KAZN: variants seen among roughly 807,000 people sequenced by gnomAD.
The protein encoded by KAZN is kazrin.
In KAZN, 40 loss-of-function variants were observed where a neutral mutation model predicts 87.4. The ratio of observed to expected loss-of-function variants is 0.46; its 90% CI spans 0.36 to 0.60. KAZN has a LOEUF of 0.60. Among genes scored for constraint, KAZN ranks in the 20% least tolerant of loss-of-function variants. The pLI, the probability that KAZN is intolerant of heterozygous loss-of-function variation, is 0.00. For synonymous variants in KAZN, 466 were observed against 458.3 expected (o/e 1.02, Z -0.22); for missense variants, 898 against 1,073.9 (o/e 0.84, Z 2.29).
intron 1 of KAZN, among the ~76,000 whole-genome samples, chr1:14,032,157 G>C (rs1641355795): frequency 6.6e-6 from 1 of 152,098 alleles, no homozygotes; most frequent in South Asian, 2.1e-4. Context: ...CCTCCCTTCT[G>C]ATCTGTTTAA....
intron 1 of KAZN, among the ~76,000 whole-genome samples, chr1:14,726,215 C>T (rs1001937005): frequency 6.6e-6 from 1 of 152,230 alleles, no homozygotes; most frequent in African/African-American, 2.4e-5. Context: ...GGTATCCAGG[C>T]TCTTGCCAAG....
At position 14,774,540 on chromosome 1, in the gene KAZN, A is replaced by ATATG. The variant is rs1431448270; in HGVS notation, c.226+175317_226+175318insTATG. 2.0e-5 allele frequency among the ~76,000 whole-genome samples: 3 copies of ATATG among 149,212 alleles called. No individual in the cohort carries two copies. In the East Asian group the frequency reaches 5.9e-4, roughly 30 times the overall value. ...GGCTGGAGTGCAGTGGTGCAATCAT[A>ATATG]GCTCACTGTAACCTTGACCTCCTGG... is the stretch of plus-strand genomic sequence containing the variant. On this transcript the variant is annotated intron_variant, in intron 1 of 14. Coordinates refer to ENST00000376030, the MANE Select transcript of KAZN (RefSeq NM_201628.3).
intron 1 of KAZN, among the ~76,000 whole-genome samples, chr1:13,994,148 A>T (rs1278007402): frequency 1.3e-5 from 2 of 152,172 alleles, no homozygotes; most frequent in African/African-American, 2.4e-5. Context: ...GTTCCAGAAT[A>T]TTATAAACCC....
upstream of KAZN, among the ~76,000 whole-genome samples, chr1:14,598,141 G>A (rs546384385): frequency 2.6e-5 from 4 of 152,288 alleles, no homozygotes; most frequent in East Asian, 5.8e-4. The surrounding 1 kb of genome is among the most constrained non-coding windows in gnomAD (Gnocchi z 4.2). Flanking sequence ...CCACGCCGAG[G>A]AAGATAGGCG....
At chr1:14,387,456 G>C (rs1025011934) in intron 2 of KAZN, among the ~76,000 whole-genome samples, 1 of 152,030 alleles carries the variant, frequency 6.6e-6, no homozygotes, top group African/African-American at 2.4e-5. Flanking sequence ...ATCTACTTTT[G>C]GTCTTTGATG....
In KAZN at chr1:13,941,208, C is replaced by A. The variant is rs564265987; in HGVS notation, c.91+47452C>A. ...CCATCTAAAACAACAACAACAACAA[C>A]AAAAAAAAAACAATAAAAAGGAGTA... On this transcript the variant is annotated intron_variant, in intron 1 of 16. Transcript: ENST00000636203. Among the ~76,000 whole-genome samples the A allele has an allele frequency of 3.6e-3, 551 of 151,434 alleles. 4 individuals carry two copies. The highest frequency in any genetic ancestry group is 0.012 in the African/African-American group (504 of 41,332).
chr1:14,513,367 G>C (rs984016789), intron 2 of KAZN, among the ~76,000 whole-genome samples: 3 of 152,176 alleles, frequency 2.0e-5, no homozygotes, highest in African/African-American at 7.2e-5. Context: ...TTTGTTGATA[G>C]ACTTCTGTTT....
chr1:14,544,631 C>T lies in KAZN; in HGVS notation c.250-54352C>T, dbSNP rs529913493. On this transcript the variant is annotated intron_variant, in intron 2 of 16. Coordinates refer to the KAZN transcript ENST00000636203. ...TGCCAGAGGTGGTATGGGCTAAAAA[C>T]GCAACTAGCTTCAGAAAGGGTTTAG... Among the ~76,000 whole-genome samples the T allele has an allele frequency of 1.1e-4, 16 of 151,350 alleles. No individual in the cohort carries two copies. The South Asian group carries it at 1.3e-3, about 12-fold the overall frequency.
intron 2 of KAZN, among the ~76,000 whole-genome samples, chr1:14,275,924 C>G (rs1260620956): frequency 6.6e-6 from 1 of 152,096 alleles, no homozygotes; most frequent in Non-Finnish European, 1.5e-5. Flanking sequence ...TCTCTGAACT[C>G]CTATTCAACC....
At chr1:14,053,778 T>C (rs1299525888) in intron 1 of KAZN, among the ~76,000 whole-genome samples, 1 of 152,224 alleles carries the variant, frequency 6.6e-6, no homozygotes, top group African/African-American at 2.4e-5. Context: ...CAGTCAGACA[T>C]CCATGCATAA....
chr1:14,265,077 A>T (rs1187064276), intron 2 of KAZN, among the ~76,000 whole-genome samples: 1 of 152,212 alleles, frequency 6.6e-6, no homozygotes, highest in East Asian at 1.9e-4. Context: ...CAATAATTTT[A>T]GTTTAACAAG....
At chr1:14,612,177 A>G (rs751399915) in intron 1 of KAZN, among the ~76,000 whole-genome samples, 10 of 152,150 alleles carry the variant, frequency 6.6e-5, no homozygotes, top group Non-Finnish European at 1.5e-4. Flanking sequence ...GTACTAAAGG[A>G]GCAAAAATGA....
chr1:14,838,405 G>A (rs1295161881), intron 1 of KAZN, among the ~76,000 whole-genome samples: 1 of 152,184 alleles, frequency 6.6e-6, no homozygotes, highest in African/African-American at 2.4e-5. Context: ...GAGTGAAATT[G>A]CTGGATTGTG....
At chr1:14,400,249 A>G (rs1351395637) in intron 2 of KAZN, among the ~76,000 whole-genome samples, 1 of 152,224 alleles carries the variant, frequency 6.6e-6, no homozygotes, top group Non-Finnish European at 1.5e-5. Flanking sequence ...AAATCTCAAC[A>G]TCTCTAAGAG....
At chr1:14,680,776 A>G (rs987793615) in intron 1 of KAZN, among the ~76,000 whole-genome samples, 1 of 152,096 alleles carries the variant, frequency 6.6e-6, no homozygotes, top group African/African-American at 2.4e-5. Context: ...TCAGTAGTTC[A>G]TTCATTTTGT....
chr1:14,374,591 G>A (rs1660755026), intron 2 of KAZN, among the ~76,000 whole-genome samples: 1 of 152,174 alleles, frequency 6.6e-6, no homozygotes, highest in African/African-American at 2.4e-5. Flanking sequence ...GAGCTAATTA[G>A]CAAAGTCTCT....
In KAZN at chr1:14,923,944, G is replaced by C. The variant is rs1381053643; in HGVS notation, c.227-36740G>C. 6.6e-6 allele frequency among the ~76,000 whole-genome samples: 1 copy of C among 152,018 alleles called. No individual in the cohort carries two copies. Among genetic ancestry groups the C allele is most frequent in the Non-Finnish European group, 1.5e-5 (1 of 67,958 alleles). ...CGTCTTTCTGACCCTCCGTGTCCCC[G>C]GGAATGACCGCGTCGGGGATGCACC... On this transcript the variant is annotated intron_variant, in intron 1 of 14. Coordinates refer to ENST00000376030, the MANE Select transcript of KAZN (RefSeq NM_201628.3). This position sits in a 1 kb window ranked among gnomAD's most constrained non-coding sequence, Gnocchi z 4.2.
chr1:15,039,227 T>G (rs1036667340), intron 3 of KAZN, among the ~76,000 whole-genome samples: 2 of 151,866 alleles, frequency 1.3e-5, no homozygotes, highest in African/African-American at 4.8e-5. Context: ...TTGTCCCCAT[T>G]CCCCCCATTT....
intron 1 of KAZN, among the ~76,000 whole-genome samples, chr1:14,818,110 C>T (rs1277790937): frequency 6.6e-6 from 1 of 152,266 alleles, no homozygotes; most frequent in African/African-American, 2.4e-5. Context: ...TCCCCCGCCC[C>T]ACAGCCTCAC....
Sources: allele counts gnomAD v4.1 joint callset (sites outside exome capture counted in the v4.1 genomes callset), GRCh38; gene constraint gnomAD v4.1.1; non-coding constraint Gnocchi (gnomAD v3.1); transcripts MANE v1.5; gene names NCBI Gene and HGNC (gene_info 2026-07-23, HGNC 2026-07-21).